BIN1: variants seen among roughly 807,000 people sequenced by gnomAD.
BIN1 encodes the protein bridging integrator 1, also known as myc box-dependent-interacting protein 1.
Under a neutral mutation model 82.0 loss-of-function variants are expected in BIN1, and 53 were observed. The observed-to-expected ratio is 0.65, with a 90% CI of 0.52 to 0.81. The LOEUF is 0.81. Among genes scored for constraint, BIN1 ranks in the 40% least tolerant of loss-of-function variants. The pLI, the probability that BIN1 is intolerant of heterozygous loss-of-function variation, is 0.00. For missense variants in BIN1, 642 were observed against 784.4 expected (o/e 0.82, Z 2.17); for synonymous variants, 302 against 328.0 (o/e 0.92, Z 0.86).
chr2:127,083,078 C>CTTT (rs112344101), intron 1 of BIN1, among the ~76,000 whole-genome samples: 1 of 142,876 alleles, frequency 7.0e-6, no homozygotes. Context: ...TTGCTTTTTT[C>CTTT]TTTTTTTTTT....
At chr2:127,070,413 A>C (rs1573646789) in intron 4 of BIN1, 140 bp downstream of exon 4, 1 of 1,008,502 alleles carries the variant, frequency 9.9e-7, no homozygotes, top group East Asian at 2.5e-5. Flanking sequence ...TCAGAGAGGG[A>C]GGGCAGCTTG....
intron 18 of BIN1, among the ~76,000 whole-genome samples, chr2:127,049,743 C>T (rs762313518): frequency 1.1e-4 from 17 of 152,188 alleles, no homozygotes; most frequent in Non-Finnish European, 1.8e-4. Flanking sequence ...TCCAAGGCCC[C>T]CTGGGAGGGG....
intron 1 of BIN1, among the ~76,000 whole-genome samples, chr2:127,097,021 C>T (rs898046062): frequency 6.6e-6 from 1 of 152,230 alleles, no homozygotes; most frequent in African/African-American, 2.4e-5. Flanking sequence ...CCATCTCCAT[C>T]CACACAACAG....
chr2:127,062,395 A>T (rs991284591), intron 9 of BIN1, among the ~76,000 whole-genome samples, 198 bp from the exon 10 acceptor site: 8 of 152,228 alleles, frequency 5.3e-5, no homozygotes, highest in African/African-American at 1.9e-4. Flanking sequence ...CAAGTGGGCT[A>T]TATCACTAAT....
At position 127,106,961 on chromosome 2, in the gene BIN1, C is replaced by T; in HGVS notation, c.-18G>A. ...TCTGCCATCGCGGCGCAGGCCTCGC[C>T]CGGTGGCAGGGGCCGCTCTCGCGCG... On this transcript the variant is annotated 5_prime_UTR_variant, in exon 1 of 19. Transcript: ENST00000316724. The T allele has an allele frequency of 1.2e-6, 2 of 1,606,112 alleles. No individual in the cohort carries two copies. Among genetic ancestry groups the T allele is most frequent in the Non-Finnish European group, 1.7e-6 (2 of 1,177,526 alleles).
At chr2:127,077,413 A>AC (rs1036211105) in intron 1 of BIN1, among the ~76,000 whole-genome samples, 1 of 151,930 alleles carries the variant, frequency 6.6e-6, no homozygotes, top group Non-Finnish European at 1.5e-5. Flanking sequence ...CTCCCCCTCA[A>AC]CCCCCCACGA....
At chr2:127,076,742 T>C (rs916754506) in intron 1 of BIN1, 36 bp from the exon 2 acceptor site, 2 of 1,612,302 alleles carry the variant, frequency 1.2e-6, no homozygotes, top group African/African-American at 1.3e-5. Flanking sequence ...GAGTGTTACC[T>C]TGGAAAGGAG....
intron 1 of BIN1, among the ~76,000 whole-genome samples, chr2:127,089,204 G>A (rs535314437): frequency 6.6e-6 from 1 of 152,178 alleles, no homozygotes; most frequent in Admixed American, 6.5e-5. Flanking sequence ...GGGTCCATCG[G>A]TGAGGAGCTT....
chr2:127,096,554 C>T (rs781322441), intron 1 of BIN1, among the ~76,000 whole-genome samples: 8 of 152,198 alleles, frequency 5.3e-5, no homozygotes, highest in Non-Finnish European at 1.0e-4. Flanking sequence ...TCCCTATGTC[C>T]TAACTTTCCT....
At chr2:127,075,874 C>G (rs937637350) in intron 2 of BIN1, among the ~76,000 whole-genome samples, 3 of 148,144 alleles carry the variant, frequency 2.0e-5, no homozygotes, top group Non-Finnish European at 3.0e-5. Flanking sequence ...CTGGCCCTCT[C>G]CCAGAATGCT....
chr2:127,067,056 G>A lies in BIN1; in HGVS notation c.612+1107C>T, dbSNP rs1377082011. On this transcript the variant is annotated intron_variant, in intron 7 of 18. Transcript: ENST00000316724. The surrounding 1 kb of genome is among the most constrained non-coding windows in gnomAD (Gnocchi z 4.7). ...ACTGCACTCCAGCCAGGGGAACGGA[G>A]AGAAACCCGTTCAAAAAAAAAAAAA... Among the ~76,000 whole-genome samples, 4 of 139,270 alleles carry A rather than the reference G, an allele frequency of 2.9e-5. No homozygotes were observed. The highest frequency in any genetic ancestry group is 6.1e-5 in the Non-Finnish European group (4 of 66,004). 91.4% of individuals were successfully genotyped at this position (139,270 alleles called of 152,430 possible).
chr2:127,106,088 C>T (rs1483063958), intron 1 of BIN1, among the ~76,000 whole-genome samples: 1 of 152,242 alleles, frequency 6.6e-6, no homozygotes, highest in Non-Finnish European at 1.5e-5. Flanking sequence ...GTCGGGTTTC[C>T]TGTGGCGCCT....
At chr2:127,079,432 T>C (rs1290804220) in intron 1 of BIN1, among the ~76,000 whole-genome samples, 3 of 152,184 alleles carry the variant, frequency 2.0e-5, no homozygotes, top group African/African-American at 7.2e-5. Context: ...AGGTGGGGGA[T>C]GGGCCTGACT....
At chr2:127,066,058 G>A (rs1685122572) in intron 7 of BIN1, among the ~76,000 whole-genome samples, 1 of 152,198 alleles carries the variant, frequency 6.6e-6, no homozygotes, top group Non-Finnish European at 1.5e-5. Flanking sequence ...AACTAGCCCA[G>A]GGTCTGCATG....
chr2:127,074,997 G>A lies in BIN1; in HGVS notation c.165+1629C>T, dbSNP rs567262997. Among the ~76,000 whole-genome samples, 606 of 152,186 alleles carry A rather than the reference G, an allele frequency of 4.0e-3. 13 individuals carry two copies. Among genetic ancestry groups the A allele is most frequent in the Non-Finnish European group, 8.1e-4 (55 of 68,006 alleles). On this transcript the variant is annotated intron_variant, in intron 2 of 18. Transcript: ENST00000316724. ...ATTACAGGCGTGAGCTACAGTGCCC[G>A]GCCAGCTCAGCCTGTTCTAAGGGGC...
intron 1 of BIN1, among the ~76,000 whole-genome samples, chr2:127,092,201 C>T (rs1456754268): frequency 6.6e-6 from 1 of 152,138 alleles, no homozygotes; most frequent in Non-Finnish European, 1.5e-5. Flanking sequence ...CGGGCTTCCT[C>T]CCCCTAACCC....
chr2:127,058,031 C>T (rs533239029), intron 11 of BIN1, among the ~76,000 whole-genome samples: 4 of 152,262 alleles, frequency 2.6e-5, no homozygotes, highest in East Asian at 3.9e-4. Flanking sequence ...TCTCCCTTCC[C>T]GCAGGCCCCT....
Position 127,068,784 on chromosome 2 carries a change from G to C in BIN1, c.519+140C>G. On this transcript the variant is annotated intron_variant, in intron 6 of 18. Transcript: ENST00000316724. The surrounding 1 kb of genome is among the most constrained non-coding windows in gnomAD (Gnocchi z 4.9). ...CACCCACAAGGGCCTCTCACTCACC[G>C]GCCTGGGCCCTGTATCGTCCCCACC... 1.2e-6 allele frequency: 1 copy of C among 814,710 alleles called. No individual in the cohort carries two copies. The highest frequency in any genetic ancestry group is 2.6e-5 in the East Asian group (1 of 38,096). The allele number at this position is 814,710 out of a possible 1,614,324, so 50.5% of individuals were successfully genotyped here. A position where few individuals can be genotyped will look rare whatever the true frequency, so the allele number is the denominator to read the frequency against.
chr2:127,084,624 T>G (rs1677894634), intron 1 of BIN1, among the ~76,000 whole-genome samples: 1 of 152,242 alleles, frequency 6.6e-6, no homozygotes, highest in South Asian at 2.1e-4. Flanking sequence ...TTATTACCCC[T>G]GCTTTAGAGA....
Sources: gnomAD v4.1 joint callset for allele counts (sites outside exome capture counted in the v4.1 genomes callset) on GRCh38, gnomAD v4.1.1 for gene constraint, Gnocchi (gnomAD v3.1) non-coding constraint, MANE v1.5 for transcripts, NCBI Gene and HGNC (gene_info 2026-07-23, HGNC 2026-07-21) for gene names.